Variants in ANKS1B observed in about 807,000 individuals in gnomAD.
The protein encoded by ANKS1B is ankyrin repeat and sterile alpha motif domain containing 1B, also known as ankyrin repeat and sterile alpha motif domain-containing protein 1B.
ANKS1B carries 36 observed loss-of-function variants against 148.3 expected under a neutral mutation model. The ratio of observed to expected loss-of-function variants is 0.24; its 90% CI spans 0.19 to 0.32. ANKS1B has a LOEUF of 0.32. ANKS1B is among the 10% of genes least tolerant of loss of function. The pLI is 1.00. For missense variants in ANKS1B, 1,157 were observed against 1,542.6 expected, an observed-to-expected ratio of 0.75 and a Z score of 4.19; for synonymous variants, 542 against 560.8, an observed-to-expected ratio of 0.97 and a Z score of 0.47.
chr12:99,485,406 T>C (rs1039103954), intron 10 of ANKS1B, among the ~76,000 whole-genome samples: 2 of 152,152 alleles, frequency 1.3e-5, no homozygotes, highest in African/African-American at 4.8e-5. Flanking sequence ...CGTTACCTGA[T>C]GTTTTTGTCT....
intron 15 of ANKS1B, among the ~76,000 whole-genome samples, chr12:99,100,265 A>T (rs777534561): frequency 1.3e-5 from 2 of 152,220 alleles, no homozygotes; most frequent in Non-Finnish European, 2.9e-5. Context: ...AGGTTGCCTT[A>T]AAAATTATGA....
intron 15 of ANKS1B, among the ~76,000 whole-genome samples, chr12:99,100,966 A>G (rs2057781889): frequency 6.6e-6 from 1 of 152,238 alleles, no homozygotes; most frequent in African/African-American, 2.4e-5. Context: ...AATGATGAGG[A>G]AAAGTTAACC....
At chr12:99,591,597 G>A (rs529161131) in intron 9 of ANKS1B, among the ~76,000 whole-genome samples, 42 of 152,138 alleles carry the variant, frequency 2.8e-4, no homozygotes, top group South Asian at 6.2e-4. Context: ...TGAGAGACCA[G>A]AAGCGGTCCC....
chr12:99,184,955 A>G (rs562977462), intron 14 of ANKS1B, among the ~76,000 whole-genome samples: 45 of 152,376 alleles, frequency 3.0e-4, no homozygotes, highest in South Asian at 8.3e-4. Context: ...CATCACATAT[A>G]CATCCTATAT....
intron 1 of ANKS1B, among the ~76,000 whole-genome samples, chr12:99,850,281 G>GTCTCTCCC (rs57015094): frequency 0.084 from 9,622 of 114,146 alleles, 702 homozygotes; most frequent in Non-Finnish European, 0.093. Flanking sequence ...AAGCAAGAAA[G>GTCTCTCCC]TCTCTCTCTC....
At chr12:99,688,026 T>A (rs2098659139) in intron 8 of ANKS1B, among the ~76,000 whole-genome samples, 1 of 152,234 alleles carries the variant, frequency 6.6e-6, no homozygotes, top group Non-Finnish European at 1.5e-5. Context: ...AACAATCTTT[T>A]TTCAAGGCCA....
At chr12:99,058,719 CTTTTTTTTTTTTTTTTTTTTTT>C (rs869064302) in intron 16 of ANKS1B, among the ~76,000 whole-genome samples, 4 of 80,666 alleles carry the variant, frequency 5.0e-5, no homozygotes, top group Middle Eastern at 7.4e-3. Context: ...TCTATCTATC[CTTTTTTTTTTTTTTTTTTTTTT>C]TTTTTTTTTT....
chr12:99,675,107 T>C (rs2098556164), intron 8 of ANKS1B, among the ~76,000 whole-genome samples: 1 of 151,928 alleles, frequency 6.6e-6, no homozygotes, highest in Admixed American at 6.6e-5. Flanking sequence ...TAATGTTTGG[T>C]GAGGGGCTTT....
intron 17 of ANKS1B, among the ~76,000 whole-genome samples, chr12:99,022,180 C>T (rs2153440264): frequency 6.6e-6 from 1 of 152,242 alleles, no homozygotes; most frequent in East Asian, 1.9e-4. Flanking sequence ...GGACTGAATT[C>T]TAGAAAATGT....
chr12:99,710,042 G>T (rs932706379), intron 8 of ANKS1B, among the ~76,000 whole-genome samples: 1 of 151,816 alleles, frequency 6.6e-6, no homozygotes, highest in Non-Finnish European at 1.5e-5. Context: ...TCCATAATGG[G>T]GCTCATTCAT....
chr12:98,873,132 G>C (rs1456025711), intron 17 of ANKS1B, among the ~76,000 whole-genome samples: 1 of 152,158 alleles, frequency 6.6e-6, no homozygotes, highest in African/African-American at 2.4e-5. Flanking sequence ...ATCTCTTCAA[G>C]GTGGTGCCTC....
chr12:99,435,589 C>T (rs1221453214), intron 11 of ANKS1B, among the ~76,000 whole-genome samples: 2 of 151,940 alleles, frequency 1.3e-5, no homozygotes, highest in Non-Finnish European at 2.9e-5. Context: ...CACCATGGCA[C>T]CTTTTATCTG....
At chr12:99,328,847 A>G (rs1200934576) in intron 12 of ANKS1B, among the ~76,000 whole-genome samples, 1 of 151,940 alleles carries the variant, frequency 6.6e-6, no homozygotes, top group Non-Finnish European at 1.5e-5. Context: ...AACTTACATC[A>G]AAACTGTGTT....
chr12:99,476,648 A>G (rs535412123), intron 10 of ANKS1B, among the ~76,000 whole-genome samples: 2 of 152,302 alleles, frequency 1.3e-5, no homozygotes, highest in South Asian at 4.1e-4. Flanking sequence ...TCAAATAAAA[A>G]TGTGATATCT....
intron 9 of ANKS1B, among the ~76,000 whole-genome samples, chr12:99,650,401 C>T (rs1312770414): frequency 6.6e-6 from 1 of 152,144 alleles, no homozygotes; most frequent in East Asian, 1.9e-4. Context: ...TGAGACCATA[C>T]ATGTATAATA....
intron 19 of ANKS1B, among the ~76,000 whole-genome samples, chr12:98,823,427 G>A (rs935061518): frequency 2.6e-5 from 4 of 152,118 alleles, no homozygotes; most frequent in East Asian, 1.9e-4. Flanking sequence ...ATTAACTTAC[G>A]GACATTAAAC....
chr12:99,772,170 G>T (rs996009216), intron 8 of ANKS1B, among the ~76,000 whole-genome samples: 1 of 151,814 alleles, frequency 6.6e-6, no homozygotes, highest in Admixed American at 6.6e-5. Context: ...TCTTGCTTTT[G>T]TGTTCATATA....
In ANKS1B at chr12:99,564,363, C is replaced by T. The variant is rs183936204; in HGVS notation, c.1273-59722G>A. 1.5e-3 allele frequency among the ~76,000 whole-genome samples: 228 copies of T among 151,478 alleles called. 3 individuals carry two copies. The highest frequency in any genetic ancestry group is 1.2e-3 in the East Asian group (6 of 5,166). On this transcript the variant is annotated intron_variant, in intron 9 of 26. Transcript: ENST00000683438. ...ACGCATACGTGCTGATACAGAAAGACGCCCAAAATTGATTGCTCAGTGAAA... is the reference window on the plus strand; with the variant it reads ...ACGCATACGTGCTGATACAGAAAGATGCCCAAAATTGATTGCTCAGTGAAA...
At chr12:98,971,957 C>CA (rs1208822072) in intron 17 of ANKS1B, among the ~76,000 whole-genome samples, 1 of 152,138 alleles carries the variant, frequency 6.6e-6, no homozygotes, top group Non-Finnish European at 1.5e-5. Flanking sequence ...CACTTGAGGT[C>CA]AGGAGTTCAA....
Sources: gnomAD v4.1 joint callset for allele counts (sites outside exome capture counted in the v4.1 genomes callset) on GRCh38, gnomAD v4.1.1 for gene constraint, MANE v1.5 for transcripts, NCBI Gene and HGNC (gene_info 2026-07-23, HGNC 2026-07-21) for gene names.